The following SPMIP4 variants were observed in gnomAD, a reference collection of about 807,000 sequenced individuals.
The protein encoded by SPMIP4 is sperm microtubule inner protein 4, also known as sperm-associated microtubule inner protein 4.
chr7:25,136,379 A>G, the SPMIP4 span: 3 of 1,614,188 alleles, frequency 1.9e-6, no homozygotes, highest in Non-Finnish European at 2.5e-6. The surrounding 1 kb of genome is among the most constrained non-coding windows in gnomAD (Gnocchi z 5.7). Context: ...TCTGGTTTAC[A>G]GTAAGGTGTG....
At chr7:25,164,148 G>C in the SPMIP4 span, among the ~76,000 whole-genome samples, 1 of 152,196 alleles carries the variant, frequency 6.6e-6, no homozygotes, top group African/African-American at 2.4e-5. Flanking sequence ...GAAAACCAAA[G>C]AGTGGAAGTG....
At chr7:25,167,250 T>C in the SPMIP4 span, among the ~76,000 whole-genome samples, 1 of 152,200 alleles carries the variant, frequency 6.6e-6, no homozygotes, top group African/African-American at 2.4e-5. Context: ...TGAAAAGAAC[T>C]TGGGTGTTGG....
the SPMIP4 span, among the ~76,000 whole-genome samples, chr7:25,151,407 G>A: frequency 6.6e-6 from 1 of 151,956 alleles, no homozygotes; most frequent in Non-Finnish European, 1.5e-5. Flanking sequence ...TTTTCTAGTA[G>A]AGACAGGGTT....
the SPMIP4 span, among the ~76,000 whole-genome samples, chr7:25,160,098 G>C: frequency 2.6e-5 from 4 of 151,932 alleles, no homozygotes; most frequent in Non-Finnish European, 5.9e-5. Context: ...ACCTAAATCA[G>C]CCCATTAATT....
chr7:25,151,055 T>C, the SPMIP4 span, among the ~76,000 whole-genome samples: 1 of 152,142 alleles, frequency 6.6e-6, no homozygotes, highest in Non-Finnish European at 1.5e-5. Flanking sequence ...GTGTGAGAAA[T>C]GCAGCCCTCC....
the SPMIP4 span, among the ~76,000 whole-genome samples, chr7:25,131,736 T>C: frequency 1.3e-5 from 2 of 152,212 alleles, no homozygotes; most frequent in African/African-American, 4.8e-5. The surrounding 1 kb of genome is among the most constrained non-coding windows in gnomAD (Gnocchi z 4.2). Flanking sequence ...GTGAGTGTTA[T>C]AGCTCTATTA....
At chr7:25,136,393 T>G in the SPMIP4 span, 1 of 1,614,170 alleles carries the variant, frequency 6.2e-7, no homozygotes, top group South Asian at 1.1e-5. This position sits in a 1 kb window ranked among gnomAD's most constrained non-coding sequence, Gnocchi z 5.7. Flanking sequence ...AGGTGTGGGT[T>G]GGGTTTTTAG....
At chr7:25,155,045 G>C in the SPMIP4 span, 1 of 1,614,020 alleles carries the variant, frequency 6.2e-7, no homozygotes, top group Non-Finnish European at 8.5e-7. Flanking sequence ...CATAAGCCTT[G>C]GTTGGCACCG....
At chr7:25,144,381 C>T in the SPMIP4 span, among the ~76,000 whole-genome samples, 2 of 152,210 alleles carry the variant, frequency 1.3e-5, no homozygotes, top group African/African-American at 4.8e-5. Flanking sequence ...GGAGAGCCAG[C>T]CGCTGGCCCC....
At chr7:25,154,240 T>C in the SPMIP4 span, among the ~76,000 whole-genome samples, 290 of 152,358 alleles carry the variant, frequency 1.9e-3, 1 homozygote, top group African/African-American at 6.7e-3. Context: ...AATATTCATG[T>C]ATAGAGGAAC....
At chr7:25,167,786 C>T in the SPMIP4 span, among the ~76,000 whole-genome samples, 29 of 152,282 alleles carry the variant, frequency 1.9e-4, no homozygotes, top group African/African-American at 6.5e-4. Flanking sequence ...TTTAATATAA[C>T]ATTTGCTATT....
chr7:25,161,020 A>G, the SPMIP4 span, among the ~76,000 whole-genome samples: 1 of 151,600 alleles, frequency 6.6e-6, no homozygotes, highest in Non-Finnish European at 1.5e-5. Flanking sequence ...TTTGTTATTT[A>G]TTTGCTTTTG....
At chr7:25,144,734 G>A in the SPMIP4 span, among the ~76,000 whole-genome samples, 1 of 152,174 alleles carries the variant, frequency 6.6e-6, no homozygotes, top group African/African-American at 2.4e-5. Flanking sequence ...AAAGTGTGGG[G>A]CCTTCTAAAG....
chr7:25,126,004 A>G, the SPMIP4 span: 1 of 957,898 alleles, frequency 1.0e-6, no homozygotes, highest in African/African-American at 1.8e-5. Context: ...AGAGGATGCA[A>G]TGATAACATT....
At chr7:25,126,070 T>G in the SPMIP4 span, 2 of 295,336 alleles carry the variant, frequency 6.8e-6, no homozygotes, top group Non-Finnish European at 1.0e-5. Flanking sequence ...TATATATACT[T>G]AAGAGGTACA....
the SPMIP4 span, among the ~76,000 whole-genome samples, chr7:25,137,840 C>T: frequency 6.6e-6 from 1 of 152,090 alleles, no homozygotes; most frequent in Non-Finnish European, 1.5e-5. Context: ...GCTACAACTT[C>T]AACAAAAGAG....
At chr7:25,165,839 T>C in the SPMIP4 span, among the ~76,000 whole-genome samples, 5 of 152,244 alleles carry the variant, frequency 3.3e-5, no homozygotes, top group Non-Finnish European at 7.3e-5. Flanking sequence ...TTGCTGCTGT[T>C]GTTTAGAGTG....
At chr7:25,136,383 A>G in the SPMIP4 span, 5 of 1,614,150 alleles carry the variant, frequency 3.1e-6, no homozygotes, top group Non-Finnish European at 4.2e-6. The surrounding 1 kb of genome is among the most constrained non-coding windows in gnomAD (Gnocchi z 5.7). Context: ...GTTTACAGTA[A>G]GGTGTGGGTT....
At chr7:25,178,770 T>C in the SPMIP4 span, among the ~76,000 whole-genome samples, 2 of 152,002 alleles carry the variant, frequency 1.3e-5, no homozygotes, top group African/African-American at 2.4e-5. Flanking sequence ...CCCGGCGCAG[T>C]GGTCACGCCT....
Sources: gnomAD v4.1 joint callset for allele counts (sites outside exome capture counted in the v4.1 genomes callset) on GRCh38, gnomAD v4.1.1 for gene constraint, Gnocchi (gnomAD v3.1) non-coding constraint, MANE v1.5 for transcripts, NCBI Gene and HGNC (gene_info 2026-07-23, HGNC 2026-07-21) for gene names.